C9orf153: variants seen among roughly 807,000 people sequenced by gnomAD.
C9orf153 encodes chromosome 9 open reading frame 153, also known as uncharacterized protein C9orf153.
In C9orf153, 10 loss-of-function variants were observed where a neutral mutation model predicts 9.0. The observed-to-expected ratio is 1.11, with a 90% CI of 0.69 to 1.89. The LOEUF is 1.89. Among genes scored for constraint, C9orf153 ranks in the 40% most tolerant of loss-of-function variants. C9orf153 has a pLI of 0.00. For missense variants in C9orf153, 108 were observed against 111.0 expected (o/e 0.97, Z 0.12); for synonymous variants, 35 against 37.3 (o/e 0.94, Z 0.23).
At chr9:86,245,632 G>A (rs1208138647) in intron 1 of C9orf153, among the ~76,000 whole-genome samples, 2 of 152,096 alleles carry the variant, frequency 1.3e-5, no homozygotes, top group South Asian at 2.1e-4. Flanking sequence ...GTGGGGAGGC[G>A]ATTGAGTAGC....
At chr9:86,247,300 A>C (rs969399938) in intron 1 of C9orf153, among the ~76,000 whole-genome samples, 62 of 152,240 alleles carry the variant, frequency 4.1e-4, no homozygotes, top group African/African-American at 1.5e-3. Flanking sequence ...CCAGGCTGCC[A>C]GGCTGTCTTT....
At chr9:86,230,593 G>T (rs1007537344) in intron 1 of C9orf153, among the ~76,000 whole-genome samples, 2 of 152,160 alleles carry the variant, frequency 1.3e-5, no homozygotes, top group African/African-American at 4.8e-5. Context: ...GGGCCACCAC[G>T]CCCAGCTGGA....
rs1041286932 is a variant in C9orf153 at position 86,221,672 on chromosome 9, C to T, written c.*16G>A. 2.5e-5 allele frequency: 38 copies of T among 1,549,166 alleles called. No homozygotes were observed. The highest frequency in any genetic ancestry group is 3.1e-5 in the Non-Finnish European group (36 of 1,146,464). ...CGAATGAAATTGCAGTAGTGCGCCT[C>T]CACTTCGCAAGCCCCTTAAAATATC... On this transcript the variant is annotated 3_prime_UTR_variant, in exon 4 of 4. Transcript: ENST00000339137.
In C9orf153 at chr9:86,220,669, C is replaced by T. The variant is rs1249543491; in HGVS notation, c.*1019G>A. 1 of 152,128 alleles carries T rather than the reference C, an allele frequency of 6.6e-6. No homozygotes were observed. The highest frequency in any genetic ancestry group is 1.5e-5 in the Non-Finnish European group (1 of 68,022). 9.4% of individuals were successfully genotyped at this position (152,128 alleles called of 1,614,324 possible). ...GGTCCATAGTTTTGCTACAGTATTT[C>T]TGGGTATAGATTTATTTTCAATATC... On this transcript the variant is annotated 3_prime_UTR_variant, in exon 4 of 4. Coordinates refer to ENST00000339137, the MANE Select transcript of C9orf153 (RefSeq NM_001276366.4).
At chr9:86,243,862 A>G (rs1824804917) in intron 1 of C9orf153, among the ~76,000 whole-genome samples, 1 of 152,242 alleles carries the variant, frequency 6.6e-6, no homozygotes, top group East Asian at 1.9e-4. Flanking sequence ...TTGGTCTCAC[A>G]GTTGATGTTG....
chr9:86,226,110 G>A (rs1319826895), intron 3 of C9orf153, among the ~76,000 whole-genome samples: 1 of 152,104 alleles, frequency 6.6e-6, no homozygotes, highest in African/African-American at 2.4e-5. Context: ...TGTGTACTTT[G>A]CGAATTATCT....
At chr9:86,253,268 C>A (rs139644156) in intron 1 of C9orf153, among the ~76,000 whole-genome samples, 1 of 152,168 alleles carries the variant, frequency 6.6e-6, no homozygotes, top group Non-Finnish European at 1.5e-5. Context: ...TGACTTTATG[C>A]AGCTGATAAA....
intron 1 of C9orf153, among the ~76,000 whole-genome samples, chr9:86,257,139 C>T (rs1011540265): frequency 1.3e-5 from 2 of 152,186 alleles, no homozygotes; most frequent in African/African-American, 4.8e-5. Context: ...TTCTGGGCAA[C>T]TTGAATCAAT....
intron 3 of C9orf153, among the ~76,000 whole-genome samples, chr9:86,225,561 C>A (rs955793799): frequency 1.3e-5 from 2 of 151,880 alleles, no homozygotes; most frequent in Non-Finnish European, 2.9e-5. Flanking sequence ...TGGGTTCAAG[C>A]GATTCTCCTG....
intron 1 of C9orf153, among the ~76,000 whole-genome samples, chr9:86,251,405 T>A (rs1236691903): frequency 6.6e-6 from 1 of 152,176 alleles, no homozygotes; most frequent in Admixed American, 6.5e-5. Context: ...CAGTTAAAAT[T>A]GCTTACTTTC....
chr9:86,222,036 C>T (rs1824216188), intron 3 of C9orf153, among the ~76,000 whole-genome samples: 1 of 152,078 alleles, frequency 6.6e-6, no homozygotes, highest in Non-Finnish European at 1.5e-5. Context: ...CAGGCACCCG[C>T]CACCACACCC....
At chr9:86,243,164 A>C (rs530797957) in intron 1 of C9orf153, among the ~76,000 whole-genome samples, 1 of 152,308 alleles carries the variant, frequency 6.6e-6, no homozygotes, top group African/African-American at 2.4e-5. Context: ...CTCTATGGAA[A>C]GTGTCTATCG....
chr9:86,224,259 C>G (rs966105264), intron 3 of C9orf153, among the ~76,000 whole-genome samples: 1 of 151,994 alleles, frequency 6.6e-6, no homozygotes, highest in Non-Finnish European at 1.5e-5. Context: ...TGGTGGCATG[C>G]ACCTGAGGTC....
Position 86,227,978 on chromosome 9 carries a change from G to T in C9orf153, c.119C>A (p.Ser40Ter), listed in dbSNP as rs747182182. 1 of 1,612,960 alleles carries T rather than the reference G, an allele frequency of 6.2e-7. No individual in the cohort carries two copies. Among genetic ancestry groups the T allele is most frequent in the Admixed American group, 1.7e-5 (1 of 59,894 alleles). Residue 40 changes from serine to a stop codon, truncating the protein, a stop_gained, in exon 3 of 4, where the codon TCA (serine) becomes TAA (stop). Coordinates refer to ENST00000339137, the MANE Select transcript of C9orf153 (RefSeq NM_001276366.4). LOFTEE classifies it high-confidence loss of function. The part of the protein sequence containing the change: ...IENFNKESKK[S>*]NLLKMHGISL... ...AATACCATGCATTTTTAGAAGATTTGATTTCTTGCTCTCCTTATTAAAATT... is the reference window on the plus strand; with the variant it reads ...AATACCATGCATTTTTAGAAGATTTTATTTCTTGCTCTCCTTATTAAAATT...
At chr9:86,250,093 T>A (rs1036081019) in intron 1 of C9orf153, among the ~76,000 whole-genome samples, 4 of 152,160 alleles carry the variant, frequency 2.6e-5, no homozygotes, top group Admixed American at 2.6e-4. Context: ...GCTTGAAGAA[T>A]GTACAATGGC....
intron 1 of C9orf153, among the ~76,000 whole-genome samples, chr9:86,243,171 A>G (rs1218736549): frequency 6.6e-6 from 1 of 152,186 alleles, no homozygotes; most frequent in Non-Finnish European, 1.5e-5. Flanking sequence ...GAAAGTGTCT[A>G]TCGAGTTACT....
At chr9:86,241,690 G>A (rs1824748448) in intron 1 of C9orf153, among the ~76,000 whole-genome samples, 1 of 152,070 alleles carries the variant, frequency 6.6e-6, no homozygotes, top group Non-Finnish European at 1.5e-5. Flanking sequence ...ACAGCAGCAA[G>A]ATCTCAGCTA....
intron 1 of C9orf153, among the ~76,000 whole-genome samples, chr9:86,230,358 A>G (rs1199747756): frequency 6.6e-6 from 1 of 152,150 alleles, no homozygotes; most frequent in Non-Finnish European, 1.5e-5. Flanking sequence ...CTGGAGTGCA[A>G]TGGCACGATC....
chr9:86,230,468 A>C (rs1464328227), intron 1 of C9orf153, among the ~76,000 whole-genome samples: 2 of 151,982 alleles, frequency 1.3e-5, no homozygotes, highest in Non-Finnish European at 2.9e-5. Context: ...CACCTGGCTG[A>C]TTTTGTATTT....
Sources: allele counts gnomAD v4.1 joint callset (sites outside exome capture counted in the v4.1 genomes callset), GRCh38; gene constraint gnomAD v4.1.1; transcripts MANE v1.5; gene names NCBI Gene and HGNC (gene_info 2026-07-23, HGNC 2026-07-21).